The following GNAL variants were observed in gnomAD, a reference collection of about 807,000 sequenced individuals.
GNAL encodes guanine nucleotide-binding protein G(olf) subunit alpha.
Under a neutral mutation model 55.1 loss-of-function variants are expected in GNAL, and 18 were observed. That is an observed-to-expected ratio of 0.33 (90% CI 0.23 to 0.48). The LOEUF is 0.48. GNAL is among the 20% of genes least tolerant of loss of function. The pLI is 0.99. For synonymous variants in GNAL, 253 were observed against 237.0 expected, an observed-to-expected ratio of 1.07 and a Z score of -0.62; for missense variants, 412 against 614.1, an observed-to-expected ratio of 0.67 and a Z score of 3.48.
At chr18:11,848,653 C>G (rs954608419) in intron 5 of GNAL, among the ~76,000 whole-genome samples, 2 of 151,876 alleles carry the variant, frequency 1.3e-5, no homozygotes, top group Non-Finnish European at 2.9e-5. Flanking sequence ...GACGGGCTTT[C>G]CCCATGTTGG....
At chr18:11,845,574 C>T (rs1391304879) in intron 5 of GNAL, among the ~76,000 whole-genome samples, 3 of 152,018 alleles carry the variant, frequency 2.0e-5, no homozygotes, top group Admixed American at 6.5e-5. Context: ...TGAGTTTGTA[C>T]GTTAGTTTGT....
rs371540768 is a variant in GNAL, at chr18:11,834,579, G to C, written c.722+9564G>C. On this transcript the variant is annotated intron_variant, in intron 5 of 11. Coordinates refer to ENST00000334049, the MANE Select transcript of GNAL (RefSeq NM_182978.4). The stretch of plus-strand genomic sequence containing the variant: ...AAATACCCCCAAAAATTAGCTAAGT[G>C]GGGTGGTGTGTACCTGTAGTCCCAG... Among the ~76,000 whole-genome samples the C allele has an allele frequency of 3.4e-4, 51 of 152,172 alleles. No individual in the cohort carries two copies. The East Asian group carries it at 8.9e-3, about 26-fold the overall frequency.
At chr18:11,740,285 C>T (rs910975483) in intron 1 of GNAL, among the ~76,000 whole-genome samples, 4 of 151,924 alleles carry the variant, frequency 2.6e-5, no homozygotes, top group East Asian at 1.9e-4. Context: ...CCTTACTTTC[C>T]GACATAACAG....
intron 4 of GNAL, among the ~76,000 whole-genome samples, chr18:11,799,438 A>G (rs1187542421): frequency 6.6e-6 from 1 of 152,200 alleles, no homozygotes; most frequent in African/African-American, 2.4e-5. Flanking sequence ...CTAGCTTTCT[A>G]CAATAGCACA....
chr18:11,867,414 C>A (rs779581466), intron 8 of GNAL, among the ~76,000 whole-genome samples, 188 bp downstream of exon 8: 1 of 152,146 alleles, frequency 6.6e-6, no homozygotes, highest in Admixed American at 6.5e-5. Flanking sequence ...CACGGTGGCT[C>A]ACGCCCGTAA....
chr18:11,733,741 T>C (rs896772760), intron 1 of GNAL, among the ~76,000 whole-genome samples: 4 of 151,988 alleles, frequency 2.6e-5, no homozygotes, highest in Admixed American at 1.3e-4. Flanking sequence ...GAACAGACAT[T>C]AGAGAGGCAG....
At chr18:11,715,168 A>G (rs902474103) in intron 1 of GNAL, among the ~76,000 whole-genome samples, 3 of 151,074 alleles carry the variant, frequency 2.0e-5, no homozygotes, top group Non-Finnish European at 4.4e-5. Flanking sequence ...AAGAAAAGAA[A>G]AGATAACAAG....
At chr18:11,758,662 G>A (rs1340468851) in intron 4 of GNAL, among the ~76,000 whole-genome samples, 1 of 152,136 alleles carries the variant, frequency 6.6e-6, no homozygotes, top group African/African-American at 2.4e-5. Context: ...TACAAATAAT[G>A]AATTGACAGT....
At chr18:11,694,062 C>T (rs1598397426) in intron 1 of GNAL, among the ~76,000 whole-genome samples, 1 of 151,832 alleles carries the variant, frequency 6.6e-6, no homozygotes, top group Non-Finnish European at 1.5e-5. Context: ...CATGTTACCC[C>T]GGCTGGTCTT....
intron 1 of GNAL, among the ~76,000 whole-genome samples, chr18:11,741,818 G>A (rs1047184437): frequency 2.6e-5 from 4 of 152,210 alleles, no homozygotes; most frequent in African/African-American, 9.6e-5. Context: ...CACAATTGCT[G>A]TGCTGAAAAT....
At chr18:11,734,009 G>A in intron 1 of GNAL, among the ~76,000 whole-genome samples, 1 of 152,092 alleles carries the variant, frequency 6.6e-6, no homozygotes, top group East Asian at 1.9e-4. Flanking sequence ...AGCCTCACCA[G>A]AAGGGATGAA....
intron 4 of GNAL, among the ~76,000 whole-genome samples, chr18:11,771,226 A>G (rs1384902244): frequency 3.3e-5 from 5 of 152,012 alleles, no homozygotes; most frequent in Admixed American, 6.6e-5. Flanking sequence ...AAAAAAAAAA[A>G]AAAAAGAAAA....
intron 4 of GNAL, among the ~76,000 whole-genome samples, chr18:11,754,362 A>G (rs2032966994): frequency 6.6e-6 from 1 of 151,924 alleles, no homozygotes; most frequent in Admixed American, 6.6e-5. Flanking sequence ...GGTTGCCATG[A>G]GCCGAGATCA....
At chr18:11,728,684 C>A (rs2032268832) in intron 1 of GNAL, among the ~76,000 whole-genome samples, 1 of 152,192 alleles carries the variant, frequency 6.6e-6, no homozygotes, top group South Asian at 2.1e-4. Flanking sequence ...TCAGTCTTTG[C>A]ACAGACATTG....
At chr18:11,746,116 T>A in intron 1 of GNAL, 1 of 531,052 alleles carries the variant, frequency 1.9e-6, no homozygotes. Flanking sequence ...CTTTTAAAAG[T>A]GGAGCCTTTT....
chr18:11,747,348 A>C (rs2032710598), intron 1 of GNAL: 1 of 186,408 alleles, frequency 5.4e-6, no homozygotes, highest in Admixed American at 5.8e-5. Context: ...AAGGTGTTAC[A>C]GGAATATGTT....
chr18:11,876,577 T>C lies in GNAL; in HGVS notation c.1163-44T>C, dbSNP rs375882314. 4.6e-5 allele frequency: 53 copies of C among 1,142,406 alleles called. No individual in the cohort carries two copies. The African/African-American group carries it at 8.0e-4, about 17-fold the overall frequency. 70.8% of individuals were successfully genotyped at this position (1,142,406 alleles called of 1,614,324 possible). ...CTGTGTTTTCGTAGAGTTGTATCTT[T>C]GTTTCATGTTGCTTAAATAAAGTTC... On this transcript the variant is annotated intron_variant, in intron 10 of 11. Coordinates refer to ENST00000334049, the MANE Select transcript of GNAL (RefSeq NM_182978.4).
chr18:11,843,224 T>C (rs1385018353), intron 5 of GNAL, among the ~76,000 whole-genome samples: 2 of 149,554 alleles, frequency 1.3e-5, no homozygotes, highest in African/African-American at 4.9e-5. Context: ...AGGGGCTGGG[T>C]GTGGTGGCTC....
chr18:11,769,374 G>A (rs988381328), intron 4 of GNAL, among the ~76,000 whole-genome samples: 13 of 151,790 alleles, frequency 8.6e-5, no homozygotes, highest in African/African-American at 3.1e-4. Flanking sequence ...GGGCTTCCTG[G>A]GAAGGTAAAA....
Sources: gnomAD v4.1 joint callset for allele counts (sites outside exome capture counted in the v4.1 genomes callset) on GRCh38, gnomAD v4.1.1 for gene constraint, MANE v1.5 for transcripts, NCBI Gene and HGNC (gene_info 2026-07-23, HGNC 2026-07-21) for gene names.